The following SLC25A48 variants were observed in gnomAD, a reference collection of about 807,000 sequenced individuals.
SLC25A48 encodes the protein CTC-321K16.1.
Under a neutral mutation model 32.2 loss-of-function variants are expected in SLC25A48, and 29 were observed. The ratio of observed to expected loss-of-function variants is 0.90; its 90% CI spans 0.67 to 1.23. The LOEUF is 1.23. Among genes scored for constraint, SLC25A48 ranks in the 50% most tolerant of loss-of-function variants. The probability of loss-of-function intolerance (pLI) is 0.00; values close to 1 mark genes in which losing one functional copy is unlikely to be tolerated. For missense variants in SLC25A48, 399 were observed against 422.7 expected, an observed-to-expected ratio of 0.94 and a Z score of 0.49; for synonymous variants, 164 against 172.3, an observed-to-expected ratio of 0.95 and a Z score of 0.38.
chr5:135,645,121 C>T (rs1056053855), intron 3 of SLC25A48, among the ~76,000 whole-genome samples: 2 of 152,198 alleles, frequency 1.3e-5, no homozygotes, highest in African/African-American at 4.8e-5. Context: ...AATTAAATGG[C>T]GTACGGGAGC....
chr5:135,721,795 C>A (rs1754962003), intron 3 of SLC25A48, among the ~76,000 whole-genome samples: 1 of 152,222 alleles, frequency 6.6e-6, no homozygotes, highest in African/African-American at 2.4e-5. Context: ...CTGCTGACAG[C>A]CCTGCTCACT....
intron 3 of SLC25A48, among the ~76,000 whole-genome samples, chr5:135,741,919 T>A (rs1755509630): frequency 6.6e-6 from 1 of 152,150 alleles, no homozygotes; most frequent in African/African-American, 2.4e-5. Context: ...ACTATCCACG[T>A]GCAAGGAGAG....
intron 3 of SLC25A48, among the ~76,000 whole-genome samples, chr5:135,738,329 T>C (rs1755424880): frequency 6.6e-6 from 1 of 152,074 alleles, no homozygotes; most frequent in African/African-American, 2.4e-5. Context: ...TATTACTACC[T>C]CAAAATCTGT....
intron 4 of SLC25A48, among the ~76,000 whole-genome samples, chr5:135,854,803 G>A (rs1264026999): frequency 6.6e-6 from 1 of 152,196 alleles, no homozygotes; most frequent in African/African-American, 2.4e-5. Flanking sequence ...TTGGGCAAAA[G>A]AGGCTTAGCT....
chr5:135,635,876 C>A (rs542059413), intron 3 of SLC25A48, among the ~76,000 whole-genome samples: 79 of 152,312 alleles, frequency 5.2e-4, no homozygotes, highest in Non-Finnish European at 1.0e-3. Flanking sequence ...ATCGTTCCTT[C>A]TGTCTGACGT....
intron 3 of SLC25A48, among the ~76,000 whole-genome samples, chr5:135,753,857 C>T (rs1375807126): frequency 6.6e-6 from 1 of 151,976 alleles, no homozygotes; most frequent in African/African-American, 2.4e-5. Flanking sequence ...ATCACGTGTA[C>T]ACCCACTGTG....
intron 3 of SLC25A48, among the ~76,000 whole-genome samples, chr5:135,761,127 C>A (rs948997195): frequency 1.3e-5 from 2 of 151,838 alleles, no homozygotes; most frequent in African/African-American, 4.8e-5. Flanking sequence ...ATGGTGAGAC[C>A]CCCCCATCTC....
chr5:135,743,378 C>A (rs1755556981), intron 3 of SLC25A48, among the ~76,000 whole-genome samples: 2 of 151,830 alleles, frequency 1.3e-5, no homozygotes, highest in African/African-American at 4.8e-5. Flanking sequence ...AGCCTGGAGA[C>A]ACTTTTCATT....
intron 3 of SLC25A48, among the ~76,000 whole-genome samples, chr5:135,758,265 C>T (rs952520478): frequency 5.3e-5 from 8 of 150,634 alleles, no homozygotes; most frequent in African/African-American, 1.7e-4. Flanking sequence ...GTTTTTAACA[C>T]ATGATATTAA....
chr5:135,738,382 G>A (rs527916465), intron 3 of SLC25A48, among the ~76,000 whole-genome samples: 1 of 152,298 alleles, frequency 6.6e-6, no homozygotes, highest in African/African-American at 2.4e-5. Context: ...GCACAGCTGA[G>A]AGGAATGGCC....
intron 4 of SLC25A48, among the ~76,000 whole-genome samples, chr5:135,826,220 T>C (rs1217446923): frequency 1.3e-5 from 2 of 151,976 alleles, no homozygotes; most frequent in African/African-American, 4.8e-5. Context: ...CAGCATGAGG[T>C]GTCCCACTCC....
At chr5:135,648,231 T>C (rs976089793) in intron 3 of SLC25A48, among the ~76,000 whole-genome samples, 1 of 152,198 alleles carries the variant, frequency 6.6e-6, no homozygotes, top group Non-Finnish European at 1.5e-5. Context: ...CACTTTTAAC[T>C]GGAGCCATGC....
At chr5:135,686,225 T>G (rs1007845607) in intron 3 of SLC25A48, among the ~76,000 whole-genome samples, 3 of 152,170 alleles carry the variant, frequency 2.0e-5, no homozygotes, top group African/African-American at 7.2e-5. Context: ...GGTGTTTCTG[T>G]GGGTTGTAGA....
At chr5:135,873,939 A>G in intron 5 of SLC25A48, 82 bp from the exon 6 acceptor site, 3 of 1,388,728 alleles carry the variant, frequency 2.2e-6, no homozygotes, top group Non-Finnish European at 2.8e-6. Flanking sequence ...ATGAATCTCT[A>G]AATGGTAGAA....
chr5:135,603,137 TCCAGCCCAGG>T (rs1040403922), intron 1 of SLC25A48, among the ~76,000 whole-genome samples: 1 of 152,190 alleles, frequency 6.6e-6, no homozygotes, highest in Non-Finnish European at 1.5e-5. Context: ...CTCCCAAGCC[TCCAGCCCAGG>T]CCCATATCCT....
chr5:135,759,450 C>T (rs535275707), intron 3 of SLC25A48, among the ~76,000 whole-genome samples: 1 of 152,126 alleles, frequency 6.6e-6, no homozygotes. Context: ...CAATAAATAT[C>T]TTTTCTCGTG....
At chr5:135,825,460 A>G (rs77516284) in intron 4 of SLC25A48, among the ~76,000 whole-genome samples, 4,956 of 151,830 alleles carry the variant, frequency 0.033, 275 homozygotes, top group African/African-American at 0.11. Flanking sequence ...TCCCAGACAC[A>G]CCCCTCCCAG....
chr5:135,755,192 A>G (rs558893859), intron 3 of SLC25A48, among the ~76,000 whole-genome samples: 1 of 152,050 alleles, frequency 6.6e-6, no homozygotes, highest in Non-Finnish European at 1.5e-5. Context: ...TATCGCTCTG[A>G]TATTGATAAT....
chr5:135,790,413 T>C (rs975047425), intron 3 of SLC25A48, among the ~76,000 whole-genome samples: 2 of 152,070 alleles, frequency 1.3e-5, no homozygotes, highest in Admixed American at 6.6e-5. Context: ...TTACTCTTAA[T>C]GTCACAGTGG....
Sources: gnomAD v4.1 joint callset for allele counts (sites outside exome capture counted in the v4.1 genomes callset) on GRCh38, gnomAD v4.1.1 for gene constraint, MANE v1.5 for transcripts, NCBI Gene and HGNC (gene_info 2026-07-23, HGNC 2026-07-21) for gene names.